Variants in PPP3CB observed in about 807,000 individuals in gnomAD.
The protein encoded by PPP3CB is protein phosphatase 3 catalytic subunit beta, also known as serine/threonine-protein phosphatase 2B catalytic subunit beta isoform.
PPP3CB carries 8 observed loss-of-function variants against 66.4 expected under a neutral mutation model. The observed-to-expected ratio is 0.12, with a 90% CI of 0.07 to 0.22. PPP3CB has a LOEUF of 0.22. PPP3CB is among the 10% of genes least tolerant of loss of function. The probability of loss-of-function intolerance (pLI) is 1.00; values close to 1 mark genes in which losing one functional copy is unlikely to be tolerated. For synonymous variants in PPP3CB, 208 were observed against 221.2 expected, an observed-to-expected ratio of 0.94 and a Z score of 0.53; for missense variants, 319 against 642.5, an observed-to-expected ratio of 0.50 and a Z score of 5.44.
chr10:73,485,585 C>G (rs1336010762), intron 1 of PPP3CB, among the ~76,000 whole-genome samples: 3 of 152,228 alleles, frequency 2.0e-5, no homozygotes, highest in African/African-American at 4.8e-5. Flanking sequence ...ATCCAAAATA[C>G]AGTCTCTACA....
chr10:73,467,352 C>T, intron 9 of PPP3CB: 1 of 336,142 alleles, frequency 3.0e-6, no homozygotes, highest in Non-Finnish European at 5.3e-6. Context: ...CCCAGTCCCC[C>T]AGACAGCCTC....
At chr10:73,440,019 A>G (rs1275616581) in intron 12 of PPP3CB, 118 bp from the exon 13 acceptor site, 1 of 1,049,422 alleles carries the variant, frequency 9.5e-7, no homozygotes, top group Non-Finnish European at 1.4e-6. Flanking sequence ...CTACATCATC[A>G]TTTAAAATTT....
intron 6 of PPP3CB, 42 bp downstream of exon 6, chr10:73,471,023 CTATGT>C (rs1564561530): frequency 6.3e-7 from 1 of 1,599,292 alleles, no homozygotes; most frequent in Admixed American, 1.7e-5. Flanking sequence ...GAAGCATATG[CTATGT>C]TAACAACTAA....
intron 10 of PPP3CB, among the ~76,000 whole-genome samples, chr10:73,446,856 A>G (rs140783679): frequency 6.6e-5 from 10 of 151,716 alleles, no homozygotes; most frequent in East Asian, 1.9e-4. Flanking sequence ...AGCAATGGGG[A>G]AAAAAAAACA....
At chr10:73,441,215 T>C (rs957760817) in intron 12 of PPP3CB, among the ~76,000 whole-genome samples, 2 of 152,206 alleles carry the variant, frequency 1.3e-5, no homozygotes, top group Non-Finnish European at 2.9e-5. Flanking sequence ...AAAATGTTGA[T>C]CTTAACCAGA....
chr10:73,457,392 C>T (rs2132848874), intron 9 of PPP3CB, among the ~76,000 whole-genome samples: 1 of 149,882 alleles, frequency 6.7e-6, no homozygotes, highest in South Asian at 2.1e-4. Context: ...GTTACGATTG[C>T]ACTCCAACAT....
chr10:73,477,980 C>T (rs989410740), intron 3 of PPP3CB, among the ~76,000 whole-genome samples: 20 of 152,038 alleles, frequency 1.3e-4, no homozygotes, highest in Non-Finnish European at 2.8e-4. Flanking sequence ...AAGTGATAAT[C>T]AAAAGGTCAT....
chr10:73,449,587 T>C (rs1485804372), intron 10 of PPP3CB, among the ~76,000 whole-genome samples: 2 of 152,198 alleles, frequency 1.3e-5, no homozygotes, highest in Admixed American at 6.5e-5. Flanking sequence ...GATAAACACC[T>C]GGAAAAAACT....
chr10:73,496,001 C>G lies in PPP3CB; in HGVS notation c.-112G>C. ...GGGGAACATGGCGGACCCTCTTTCC[C>G]TACAGAGGGGCTAAGACCGGCATGC... On this transcript the variant is annotated 5_prime_UTR_variant, in exon 1 of 14. An upstream open reading frame in the 5' UTR loses its in-frame stop. Transcript: ENST00000360663. The G allele has an allele frequency of 1.7e-6, 1 of 583,252 alleles. No individual in the cohort carries two copies. Among genetic ancestry groups the G allele is most frequent in the Non-Finnish European group, 2.5e-6 (1 of 405,076 alleles). 36.1% of individuals were successfully genotyped at this position (583,252 alleles called of 1,614,324 possible).
chr10:73,444,900 T>C lies in PPP3CB; in HGVS notation c.1269-78A>G, dbSNP rs924556946. On this transcript the variant is annotated intron_variant, in intron 11 of 13. Transcript: ENST00000360663. Reference sequence around the variant, plus strand: ...TAAAAGAAGACATAGGGTCTAGATATAGGCCATATATAAAATTCATGACAT... The same window carrying C: ...TAAAAGAAGACATAGGGTCTAGATACAGGCCATATATAAAATTCATGACAT... 4 of 1,356,976 alleles carry C rather than the reference T, an allele frequency of 2.9e-6. No individual in the cohort carries two copies. The African/African-American group carries it at 5.8e-5, about 20-fold the overall frequency. The allele number at this position is 1,356,976 out of a possible 1,614,324, so 84.1% of individuals were successfully genotyped here.
chr10:73,490,625 C>T (rs1305804504), intron 1 of PPP3CB, among the ~76,000 whole-genome samples: 1 of 152,186 alleles, frequency 6.6e-6, no homozygotes, highest in Non-Finnish European at 1.5e-5. Context: ...ACAACTCTTG[C>T]CAATTCATTC....
chr10:73,489,578 C>A (rs1016084735), intron 1 of PPP3CB, among the ~76,000 whole-genome samples: 1 of 152,034 alleles, frequency 6.6e-6, no homozygotes, highest in South Asian at 2.1e-4. Flanking sequence ...AAAATTAAGG[C>A]TTGGAGATGT....
At position 73,485,956 on chromosome 10, in the gene PPP3CB, T is replaced by C. The variant is rs1258149474; in HGVS notation, c.86-6439A>G. On this transcript the variant is annotated intron_variant, in intron 1 of 13. Coordinates refer to ENST00000360663, the MANE Select transcript of PPP3CB (RefSeq NM_021132.4). Reference sequence around the variant, plus strand: ...TGTGTGTGTGTGTGTGTGTGTATTTTTTTTTTTCAGATGCAGTCTTGCTCT... The same window carrying C: ...TGTGTGTGTGTGTGTGTGTGTATTTCTTTTTTTCAGATGCAGTCTTGCTCT... Among the ~76,000 whole-genome samples the C allele has an allele frequency of 2.4e-4, 25 of 102,158 alleles. No homozygotes were observed. The Admixed American group carries it at 2.6e-3, about 11-fold the overall frequency. The allele number at this position is 102,158 out of a possible 152,430, so 67.0% of individuals were successfully genotyped here. A position where few individuals can be genotyped will look rare whatever the true frequency, so the allele number is the denominator to read the frequency against.
chr10:73,487,732 A>G (rs770029596), intron 1 of PPP3CB, among the ~76,000 whole-genome samples: 24 of 151,840 alleles, frequency 1.6e-4, no homozygotes, highest in African/African-American at 5.1e-4. Context: ...TTTCACATAC[A>G]TAATCCTACA....
intron 1 of PPP3CB, among the ~76,000 whole-genome samples, chr10:73,492,629 AG>A (rs2133054811): frequency 6.6e-6 from 1 of 152,360 alleles, no homozygotes; most frequent in Admixed American, 6.5e-5. Context: ...TATAATTAAA[AG>A]GGTATATACC....
chr10:73,469,232 T>C (rs2056665873), intron 8 of PPP3CB, among the ~76,000 whole-genome samples: 1 of 152,112 alleles, frequency 6.6e-6, no homozygotes, highest in Non-Finnish European at 1.5e-5. Context: ...AATTTAACAC[T>C]TGGTTCTGTT....
intron 1 of PPP3CB, among the ~76,000 whole-genome samples, chr10:73,491,335 T>C (rs1265904998): frequency 6.6e-6 from 1 of 151,542 alleles, no homozygotes. Flanking sequence ...AGCCAAATTT[T>C]TGTATTTTTA....
In PPP3CB at chr10:73,470,724, A is replaced by G. The variant is rs778747709; in HGVS notation, c.945T>C (p.Phe315=). 12 of 1,601,914 alleles carry G rather than the reference A, an allele frequency of 7.5e-6. No homozygotes were observed. In the African/African-American group the frequency reaches 9.4e-5, roughly 13 times the overall value. Residue 315 remains phenylalanine, a synonymous_variant, in exon 8 of 14, where the codon TTT becomes TTC. Coordinates refer to ENST00000360663, the MANE Select transcript of PPP3CB (RefSeq NM_021132.4). ...AGACATCTAAGTAATTAGGTGCCGA[A>G]AAAATTGTTATTAATGAAGGGAACC... The part of the protein sequence containing the change: ...TTGFPSLITI[F]SAPNYLDVYN...
At chr10:73,461,361 C>T (rs1302857766) in intron 9 of PPP3CB, among the ~76,000 whole-genome samples, 4 of 152,086 alleles carry the variant, frequency 2.6e-5, no homozygotes, top group Admixed American at 6.5e-5. Context: ...GCAGGGTAAT[C>T]ACTTTAACCC....
Sources: allele counts gnomAD v4.1 joint callset (sites outside exome capture counted in the v4.1 genomes callset), GRCh38; gene constraint gnomAD v4.1.1; transcripts MANE v1.5; gene names NCBI Gene and HGNC (gene_info 2026-07-23, HGNC 2026-07-21).